Variants in ANKRD45 observed in about 807,000 individuals in gnomAD.
ANKRD45 encodes the protein ankyrin repeat domain 45, also known as ankyrin repeat domain-containing protein 45.
A neutral mutation model predicts 28.1 loss-of-function variants in ANKRD45; 21 were observed. The observed-to-expected ratio is 0.75, with a 90% CI of 0.53 to 1.08. ANKRD45 has a LOEUF of 1.08. Ranked by LOEUF, ANKRD45 falls within the 50% of genes least tolerant of loss-of-function variation. The pLI is 0.00. For synonymous variants in ANKRD45, 86 were observed against 103.9 expected (o/e 0.83, Z 1.05); for missense variants, 261 against 308.7 (o/e 0.85, Z 1.16).
intron 1 of ANKRD45, among the ~76,000 whole-genome samples, chr1:173,660,238 G>A (rs1669719515): frequency 6.6e-6 from 1 of 152,106 alleles, no homozygotes; most frequent in African/African-American, 2.4e-5. Context: ...CAGTCTGTCA[G>A]AACACAGTAT....
chr1:173,618,649 A>C (rs1422852948), intron 5 of ANKRD45, among the ~76,000 whole-genome samples: 1 of 152,240 alleles, frequency 6.6e-6, no homozygotes, highest in Non-Finnish European at 1.5e-5. Flanking sequence ...AAAAAGACCA[A>C]ACCTATGACT....
chr1:173,646,729 T>C (rs1668947423), intron 3 of ANKRD45, 117 bp downstream of exon 3: 1 of 997,786 alleles, frequency 1.0e-6, no homozygotes. Flanking sequence ...TCACCAACTG[T>C]GACTGTGGTT....
chr1:173,637,042 T>A (rs1668478404), intron 3 of ANKRD45: 1 of 1,462,938 alleles, frequency 6.8e-7, no homozygotes, highest in African/African-American at 1.4e-5. Context: ...ACTAAATAAA[T>A]GCATATGCAA....
At chr1:173,653,659 C>T (rs1330636449) in intron 2 of ANKRD45, among the ~76,000 whole-genome samples, 1 of 152,020 alleles carries the variant, frequency 6.6e-6, no homozygotes, top group African/African-American at 2.4e-5. Flanking sequence ...TCCTTGTTAA[C>T]CTTATGTCTC....
At chr1:173,694,756 T>G in the ANKRD45 span, among the ~76,000 whole-genome samples, 9 of 152,044 alleles carry the variant, frequency 5.9e-5, no homozygotes, top group Non-Finnish European at 1.3e-4. Flanking sequence ...ATTATACCAT[T>G]TTGTATGCCT....
intron 3 of ANKRD45, chr1:173,636,996 TAAAG>T (rs1668476526): frequency 3.9e-6 from 6 of 1,535,260 alleles, no homozygotes; most frequent in Non-Finnish European, 5.2e-6. Context: ...CACTGCAAAT[TAAAG>T]AAGAAGAGTA....
At chr1:173,694,534 TTTATTA>T in the ANKRD45 span, among the ~76,000 whole-genome samples, 44,389 of 143,906 alleles carry the variant, frequency 0.31, 6,889 homozygotes, top group East Asian at 0.33. Flanking sequence ...ACTTAAGAAG[TTTATTA>T]TTATTATTAT....
Position 173,624,879 on chromosome 1 carries a change from G to A in ANKRD45, c.638C>T (p.Thr213Ile), listed in dbSNP as rs757679383. Reference sequence around the variant, plus strand: ...CTCATTAATGGAAGCTTCTGTATGGGTTTCCAACCACTCATTTTTTGCACG... The same window carrying A: ...CTCATTAATGGAAGCTTCTGTATGGATTTCCAACCACTCATTTTTTGCACG... ...ACRAKNEWLE[T>I]HTEASINELF... is the part of the protein sequence containing the mutation. Residue 213 changes from threonine to isoleucine, a missense_variant, in exon 5 of 6, where the codon ACC becomes ATC. By Grantham distance (89) the Thr-to-Ile change is moderately conservative (BLOSUM62 -1). Coordinates refer to ENST00000333279, the MANE Select transcript of ANKRD45 (RefSeq NM_198493.3). 3 of 1,613,650 alleles carry A rather than the reference G, an allele frequency of 1.9e-6. No individual in the cohort carries two copies. Among genetic ancestry groups the A allele is most frequent in the Non-Finnish European group, 2.5e-6 (3 of 1,179,740 alleles).
the ANKRD45 span, among the ~76,000 whole-genome samples, chr1:173,701,464 A>G: frequency 6.6e-6 from 1 of 152,242 alleles, no homozygotes; most frequent in Non-Finnish European, 1.5e-5. Context: ...TGTGGCACAT[A>G]TATACCATGG....
intron 5 of ANKRD45, among the ~76,000 whole-genome samples, chr1:173,613,083 G>A (rs568747294): frequency 1.4e-5 from 2 of 148,014 alleles, no homozygotes; most frequent in East Asian, 2.0e-4. Flanking sequence ...CCCTCTGCTC[G>A]GCTGCCCAGT....
At chr1:173,647,086 C>T (rs780297164) in intron 2 of ANKRD45, 73 bp from the exon 3 acceptor site, 3 of 1,417,930 alleles carry the variant, frequency 2.1e-6, no homozygotes, top group Non-Finnish European at 2.9e-6. Context: ...AGTGGAAGAT[C>T]ATAATGGTGA....
At chr1:173,692,885 T>C in the ANKRD45 span, among the ~76,000 whole-genome samples, 1 of 152,238 alleles carries the variant, frequency 6.6e-6, no homozygotes, top group Non-Finnish European at 1.5e-5. Flanking sequence ...TCCTTGTTCA[T>C]CTGTGTGAAA....
intron 2 of ANKRD45, among the ~76,000 whole-genome samples, chr1:173,657,172 A>G (rs1669560377): frequency 6.6e-6 from 1 of 151,772 alleles, no homozygotes; most frequent in Admixed American, 6.6e-5. Context: ...TCTGATTAAT[A>G]GTATTAAAGC....
At chr1:173,669,068 T>C (rs1169229139) in intron 1 of ANKRD45, among the ~76,000 whole-genome samples, 3 of 152,216 alleles carry the variant, frequency 2.0e-5, no homozygotes, top group Non-Finnish European at 4.4e-5. Flanking sequence ...TCATAGCACC[T>C]ACCCCATAGG....
the ANKRD45 span, among the ~76,000 whole-genome samples, chr1:173,699,312 A>T: frequency 6.6e-6 from 1 of 152,162 alleles, no homozygotes; most frequent in African/African-American, 2.4e-5. Context: ...ATCCTCCCTA[A>T]CTCATTTTAT....
chr1:173,695,998 T>C, the ANKRD45 span, among the ~76,000 whole-genome samples: 1 of 152,216 alleles, frequency 6.6e-6, no homozygotes, highest in African/African-American at 2.4e-5. Flanking sequence ...ACCCTGGTAC[T>C]CTGCCCCCAT....
At chr1:173,688,415 T>TCC in the ANKRD45 span, among the ~76,000 whole-genome samples, 1 of 147,902 alleles carries the variant, frequency 6.8e-6, no homozygotes, top group African/African-American at 2.5e-5. Flanking sequence ...CCTCTTCCTC[T>TCC]CTCTCTGCCT....
chr1:173,657,171 T>C (rs1001206570), intron 2 of ANKRD45, among the ~76,000 whole-genome samples: 1 of 151,694 alleles, frequency 6.6e-6, no homozygotes, highest in Non-Finnish European at 1.5e-5. Context: ...CTCTGATTAA[T>C]AGTATTAAAG....
chr1:173,714,866 A>C, the ANKRD45 span: 1 of 152,240 alleles, frequency 6.6e-6, no homozygotes, highest in Non-Finnish European at 1.5e-5. Context: ...CCGGAGCCGC[A>C]CCGGAACCCC....
Sources: gnomAD v4.1 joint callset for allele counts (sites outside exome capture counted in the v4.1 genomes callset) on GRCh38, gnomAD v4.1.1 for gene constraint, MANE v1.5 for transcripts, NCBI Gene and HGNC (gene_info 2026-07-23, HGNC 2026-07-21) for gene names.